Variants in SEC23B observed in about 807,000 individuals in gnomAD.
SEC23B encodes protein transport protein Sec23B.
SEC23B carries 77 observed loss-of-function variants against 104.3 expected under a neutral mutation model. The ratio of observed to expected loss-of-function variants is 0.74; its 90% CI spans 0.61 to 0.89. The LOEUF is 0.89. Among genes scored for constraint, SEC23B ranks in the 40% least tolerant of loss-of-function variants. SEC23B has a pLI of 0.00. For synonymous variants in SEC23B, 338 were observed against 332.5 expected (o/e 1.02, Z -0.18); for missense variants, 885 against 949.4 (o/e 0.93, Z 0.89).
At chr20:18,536,750 T>C (rs6081196) in intron 12 of SEC23B, among the ~76,000 whole-genome samples, 103,090 of 151,572 alleles carry the variant, frequency 0.68, 36,466 homozygotes, top group Non-Finnish European at 0.8. Context: ...CTACTAGTAG[T>C]CCACTGTTGA....
intron 16 of SEC23B, among the ~76,000 whole-genome samples, chr20:18,549,643 A>G (rs879495366): frequency 1.3e-5 from 2 of 152,242 alleles, no homozygotes; most frequent in Non-Finnish European, 2.9e-5. Context: ...ATAAAGAACT[A>G]TATGGAAAAA....
intron 6 of SEC23B, 37 bp downstream of exon 6, chr20:18,525,057 T>G: frequency 1.3e-6 from 2 of 1,554,422 alleles, no homozygotes; most frequent in Non-Finnish European, 1.8e-6. Flanking sequence ...CGTATTGTGA[T>G]GGACATGCAG....
Position 18,541,802 on chromosome 20 carries a change from A to C in SEC23B, c.1405-494A>C, listed in dbSNP as rs184815942. Reference sequence around the variant, plus strand: ...ATATTGTGAGAATTACTGAACTGTGACACAGAGACATGAAGTGAGCACATG... The same window carrying C: ...ATATTGTGAGAATTACTGAACTGTGCCACAGAGACATGAAGTGAGCACATG... On this transcript the variant is annotated intron_variant, in intron 12 of 19. Coordinates refer to ENST00000650089, the MANE Select transcript of SEC23B (RefSeq NM_006363.6). Among the ~76,000 whole-genome samples, 190 of 152,352 alleles carry C rather than the reference A, an allele frequency of 1.2e-3. 1 individual carries two copies. The highest frequency in any genetic ancestry group is 1.6e-3 in the Non-Finnish European group (108 of 68,020).
At chr20:18,560,200 A>G (rs961259618) in intron 19 of SEC23B, among the ~76,000 whole-genome samples, 4 of 152,112 alleles carry the variant, frequency 2.6e-5, no homozygotes, top group Admixed American at 2.6e-4. Flanking sequence ...CATTAATAAA[A>G]TTATAAGCTT....
At chr20:18,537,760 A>G (rs561994109) in intron 12 of SEC23B, among the ~76,000 whole-genome samples, 4 of 152,170 alleles carry the variant, frequency 2.6e-5, no homozygotes, top group Admixed American at 2.6e-4. Context: ...AAATAAATAA[A>G]TAAAAAAACC....
intron 12 of SEC23B, among the ~76,000 whole-genome samples, 180 bp from the exon 13 acceptor site, chr20:18,542,116 A>G (rs1386417391): frequency 1.3e-5 from 2 of 152,188 alleles, no homozygotes; most frequent in South Asian, 4.1e-4. Context: ...TAGTTCTTCA[A>G]CTTTTTTGGA....
chr20:18,555,531 C>T (rs866970476), intron 19 of SEC23B, among the ~76,000 whole-genome samples: 3 of 152,094 alleles, frequency 2.0e-5, no homozygotes, highest in South Asian at 4.2e-4. Flanking sequence ...TCGGTTTTGC[C>T]GCCTCCTCAC....
chr20:18,525,952 G>T lies in SEC23B; in HGVS notation c.834+20G>T. ...CTGGAGGTAATTTAAAATTTACCAG[G>T]ACCTCTCAAATCATACAAATGTGCT... On this transcript the variant is annotated intron_variant, in intron 7 of 19. Transcript: ENST00000650089. 6.2e-7 allele frequency: 1 copy of T among 1,613,202 alleles called. No individual in the cohort carries two copies. The highest frequency in any genetic ancestry group is 8.5e-7 in the Non-Finnish European group (1 of 1,179,232).
intron 19 of SEC23B, among the ~76,000 whole-genome samples, chr20:18,559,260 A>G (rs1385143776): frequency 6.6e-6 from 1 of 152,032 alleles, no homozygotes; most frequent in Non-Finnish European, 1.5e-5. Context: ...TGGCCTTGTT[A>G]CACTTGGGTG....
At chr20:18,548,038 C>T (rs1016193986) in intron 15 of SEC23B, among the ~76,000 whole-genome samples, 1 of 152,028 alleles carries the variant, frequency 6.6e-6, no homozygotes, top group Non-Finnish European at 1.5e-5. Context: ...CGCAACCTCC[C>T]CCTACTGGGT....
At chr20:18,515,603 G>A in intron 3 of SEC23B, 47 bp from the exon 4 acceptor site, 2 of 1,085,728 alleles carry the variant, frequency 1.8e-6, no homozygotes, top group Non-Finnish European at 2.9e-6. Context: ...AATAAAAAGT[G>A]TAATATAGTT....
chr20:18,537,587 G>C (rs2060245598), intron 12 of SEC23B, among the ~76,000 whole-genome samples: 1 of 152,174 alleles, frequency 6.6e-6, no homozygotes, highest in South Asian at 2.1e-4. Context: ...GGACTGTTGT[G>C]GGGTGGGGGA....
rs2060488928 is a variant in SEC23B, at chr20:18,561,175, C to G, written c.*435C>G. On this transcript the variant is annotated 3_prime_UTR_variant, in exon 20 of 20. Coordinates refer to ENST00000650089, the MANE Select transcript of SEC23B (RefSeq NM_006363.6). The stretch of plus-strand genomic sequence containing the variant: ...TAAGTGACTTCCTTAAGAGGTGTTT[C>G]CTGAACCTAATTCTCATAATTAAAG... 1 of 223,766 alleles carries G rather than the reference C, an allele frequency of 4.5e-6. No homozygotes were observed. Among genetic ancestry groups the G allele is most frequent in the Non-Finnish European group, 9.0e-6 (1 of 110,980 alleles). The allele number at this position is 223,766 out of a possible 1,614,324, so 13.9% of individuals were successfully genotyped here. A position where few individuals can be genotyped will look rare whatever the true frequency, so the allele number is the denominator to read the frequency against.
At chr20:18,510,735 A>G in intron 1 of SEC23B, 87 bp from the exon 2 acceptor site, 1 of 1,030,704 alleles carries the variant, frequency 9.7e-7, no homozygotes, top group Non-Finnish European at 1.5e-6. Flanking sequence ...AAAAAGAGAA[A>G]CACTGTGTTA....
Position 18,507,950 on chromosome 20 carries a change from T to TGGGTG in SEC23B, c.-36_-32dup, listed in dbSNP as rs2059945222. ...AGCCGGAGCCTGCTTGTTGCAGCTGTGGGTGAGGACGGCTCTAGCTAGGTG... is the reference window on the plus strand; with the variant it reads ...AGCCGGAGCCTGCTTGTTGCAGCTGTGGGTGGGGTGAGGACGGCTCTAGCTAGGTG... On this transcript the variant is annotated 5_prime_UTR_variant, in exon 1 of 20. Coordinates refer to ENST00000650089, the MANE Select transcript of SEC23B (RefSeq NM_006363.6). The TGGGTG allele has an allele frequency of 6.6e-6, 1 of 152,604 alleles. No individual in the cohort carries two copies. Among genetic ancestry groups the TGGGTG allele is most frequent in the South Asian group, 2.1e-4 (1 of 4,828 alleles). The allele number at this position is 152,604 out of a possible 1,614,324, so 9.5% of individuals were successfully genotyped here.
intron 12 of SEC23B, among the ~76,000 whole-genome samples, chr20:18,541,731 C>T (rs2060289558): frequency 6.6e-6 from 1 of 152,144 alleles, no homozygotes; most frequent in East Asian, 1.9e-4. Flanking sequence ...GATCACTGAT[C>T]ACAGATCACC....
intron 10 of SEC23B, 32 bp from the exon 11 acceptor site, chr20:18,532,632 T>G (rs1182967073): frequency 6.5e-7 from 1 of 1,526,822 alleles, no homozygotes; most frequent in Admixed American, 1.7e-5. Context: ...TGAAGTGATC[T>G]TTAACTTTAC....
intron 8 of SEC23B, 21 bp downstream of exon 8, chr20:18,526,552 G>T (rs778422229): frequency 6.2e-7 from 1 of 1,613,794 alleles, no homozygotes; most frequent in Non-Finnish European, 8.5e-7. Context: ...TTGGGTATGG[G>T]CTGTAATTCT....
chr20:18,526,523 G>A lies in SEC23B; in HGVS notation c.985G>A (p.Ala329Thr). 6.2e-7 allele frequency: 1 copy of A among 1,614,150 alleles called. No homozygotes were observed. Among genetic ancestry groups the A allele is most frequent in the Non-Finnish European group, 8.5e-7 (1 of 1,180,010 alleles). The change falls in exon 8 of 20, where the codon GCA (alanine) becomes ACA (threonine). Residue 329 changes from alanine to threonine, a missense_variant. By Grantham distance (58) the Ala-to-Thr change is moderately conservative (BLOSUM62 0). Transcript: ENST00000650089. ...EKDNARFMKK[A>T]TKHYEMLANR... ...AGATAATGCACGATTCATGAAAAAG[G>A]CAACCAAGGTAGGTGCTCTTGGGTA...
Sources: allele counts gnomAD v4.1 joint callset (sites outside exome capture counted in the v4.1 genomes callset), GRCh38; gene constraint gnomAD v4.1.1; transcripts MANE v1.5; gene names NCBI Gene and HGNC (gene_info 2026-07-23, HGNC 2026-07-21).